The following TEX15 variants were observed in gnomAD, a reference collection of about 807,000 sequenced individuals.
TEX15 encodes the protein testis expressed 15, meiosis and synapsis associated, also known as testis-expressed protein 15.
TEX15 carries 171 observed loss-of-function variants against 237.3 expected under a neutral mutation model. The ratio of observed to expected loss-of-function variants is 0.72; its 90% CI spans 0.64 to 0.82. The LOEUF (loss-of-function observed/expected upper bound fraction) is 0.82, where lower values mean the gene tolerates loss of function less well. Among genes scored for constraint, TEX15 ranks in the 40% least tolerant of loss-of-function variants. TEX15 has a pLI of 0.00. For synonymous variants in TEX15, 1,338 were observed against 1,269.8 expected (o/e 1.05, Z -1.14); for missense variants, 3,750 against 3,646.5 (o/e 1.03, Z -0.73).
intron 2 of TEX15, chr8:30,888,638 T>C: frequency 1.6e-6 from 2 of 1,289,710 alleles, no homozygotes; most frequent in Non-Finnish European, 2.0e-6. Context: ...TTTCGTACCA[T>C]TTCGTAACAT....
Position 30,846,041 on chromosome 8 carries a change from GAC to G in TEX15, c.4124_4125del (p.Cys1375SerfsTer17). 6.8e-6 allele frequency: 11 copies of G among 1,613,294 alleles called. No individual in the cohort carries two copies. The highest frequency in any genetic ancestry group is 8.5e-6 in the Non-Finnish European group (10 of 1,179,576). On this transcript the variant is annotated frameshift_variant, in exon 8 of 11. Transcript: ENST00000643185. LOFTEE classifies it high-confidence loss of function. ...ACTGCTTTGTCTAGTTTTCTGGAAA[GAC>G]ATTTGCTTTTACATAAAGATGCTTC... ...SDEASLCKSK[C>X]LSRKLDKAVV... is the part of the protein sequence containing the mutation.
At chr8:30,909,394 A>ACCCCCCCCCCCCCCCCC (rs35046956) in intron 1 of TEX15, among the ~76,000 whole-genome samples, 10 of 118,398 alleles carry the variant, frequency 8.4e-5, no homozygotes, top group South Asian at 2.9e-4. Flanking sequence ...TTAAAGACAG[A>ACCCCCCCCCCCCCCCCC]CCCCCCCCCG....
rs544099085 is a variant in TEX15 at position 30,856,738 on chromosome 8, GAC to G, written c.850+1928_850+1929del. On this transcript the variant is annotated intron_variant, in intron 7 of 10. Coordinates refer to ENST00000643185, the MANE Select transcript of TEX15 (RefSeq NM_001350162.2). Reference sequence around the variant, plus strand: ...AAATATCAAATGTTTGAAAATAAAAGACATGTAAGATATTATAGAGAAAATTA... The same window carrying G: ...AAATATCAAATGTTTGAAAATAAAAGATGTAAGATATTATAGAGAAAATTA... 2.6e-3 allele frequency among the ~76,000 whole-genome samples: 403 copies of G among 152,110 alleles called. 8 individuals carry two copies. The highest frequency in any genetic ancestry group is 8.1e-3 in the African/African-American group (338 of 41,488).
At chr8:30,903,470 G>C (rs1585317768) in intron 1 of TEX15, among the ~76,000 whole-genome samples, 1 of 152,192 alleles carries the variant, frequency 6.6e-6, no homozygotes, top group African/African-American at 2.4e-5. Context: ...GGTCATCCTG[G>C]TTGCAGAGAA....
chr8:30,911,308 A>G (rs1409939444), intron 1 of TEX15, among the ~76,000 whole-genome samples: 2 of 151,998 alleles, frequency 1.3e-5, no homozygotes, highest in African/African-American at 2.4e-5. Context: ...TTGTATTATT[A>G]CTACTACTAT....
chr8:30,901,299 C>T (rs1174772913), intron 1 of TEX15, among the ~76,000 whole-genome samples: 1 of 152,158 alleles, frequency 6.6e-6, no homozygotes, highest in Non-Finnish European at 1.5e-5. Flanking sequence ...AAATATTTAA[C>T]TAAAGTTCCT....
rs1807182576 is a variant in TEX15 at position 30,831,659 on chromosome 8, C to T, written c.*1627G>A. The T allele has an allele frequency of 1.3e-5, 2 of 151,880 alleles. No individual in the cohort carries two copies. The highest frequency in any genetic ancestry group is 4.1e-4 in the South Asian group (2 of 4,820). 9.4% of individuals were successfully genotyped at this position (151,880 alleles called of 1,614,324 possible). ...ATTAAAACCCATGAAATAAAAATAC[C>T]ACAAAGACAATGTCAACAGAATCTG... On this transcript the variant is annotated 3_prime_UTR_variant, in exon 11 of 11. Coordinates refer to ENST00000643185, the MANE Select transcript of TEX15 (RefSeq NM_001350162.2).
chr8:30,876,402 T>G (rs1808401147), intron 3 of TEX15, among the ~76,000 whole-genome samples: 1 of 152,200 alleles, frequency 6.6e-6, no homozygotes, highest in Non-Finnish European at 1.5e-5. Context: ...CTGGGTAATG[T>G]GACCTAAGTT....
intron 2 of TEX15, among the ~76,000 whole-genome samples, chr8:30,891,276 A>G (rs908875284): frequency 7.2e-5 from 11 of 152,130 alleles, no homozygotes; most frequent in East Asian, 3.9e-4. Flanking sequence ...AGCCTCCCCA[A>G]TGGCTAAGTA....
At chr8:30,876,051 C>A (rs1246801338) in intron 3 of TEX15, among the ~76,000 whole-genome samples, 2 of 151,984 alleles carry the variant, frequency 1.3e-5, no homozygotes, top group African/African-American at 4.8e-5. Context: ...TGGGCTCAAG[C>A]GATCCTCTCC....
chr8:30,845,350 C>A lies in TEX15; in HGVS notation c.4817G>T (p.Cys1606Phe). The A allele has an allele frequency of 6.2e-7, 1 of 1,612,018 alleles. No individual in the cohort carries two copies. The highest frequency in any genetic ancestry group is 1.3e-5 in the African/African-American group (1 of 75,004). Reference sequence around the variant, plus strand: ...TTCATTTATTACTTCATTAGCGTCACAACTGTTTTCTTTAGTTGCATCTTT... The same window carrying A: ...TTCATTTATTACTTCATTAGCGTCAAAACTGTTTTCTTTAGTTGCATCTTT... ...NVKDATKENSCDANEVINESN... is the reference protein window; with the variant it reads ...NVKDATKENSFDANEVINESN... Residue 1606 changes from cysteine (C) to phenylalanine (F), a missense_variant, in exon 8 of 11, where the codon TGT becomes TTT. Cys to Phe is a radical substitution (Grantham distance 205). Coordinates refer to ENST00000643185, the MANE Select transcript of TEX15 (RefSeq NM_001350162.2).
At chr8:30,874,799 T>C (rs1366991558) in intron 4 of TEX15, 138 bp downstream of exon 4, 6 of 495,994 alleles carry the variant, frequency 1.2e-5, no homozygotes, top group East Asian at 3.5e-5. Flanking sequence ...CAAAAGACTA[T>C]GAGAATGTAA....
chr8:30,843,887 C>T lies in TEX15; in HGVS notation c.6280G>A (p.Glu2094Lys), dbSNP rs1201548749. 2 of 1,612,874 alleles carry T rather than the reference C, an allele frequency of 1.2e-6. No individual in the cohort carries two copies. The highest frequency in any genetic ancestry group is 1.7e-6 in the Non-Finnish European group (2 of 1,179,542). The change falls in exon 8 of 11, where the codon GAA becomes AAA. Residue 2094 changes from glutamate to lysine, a missense_variant. Glu to Lys is a moderately conservative substitution (Grantham distance 56). Coordinates refer to ENST00000643185, the MANE Select transcript of TEX15 (RefSeq NM_001350162.2). ...QFIENKKRHL[E>K]GEPTLRSLLW... ...AAGCTTCGCAATGTTGGTTCACCTT[C>T]TAAGTGCCTTTTTTTGTTTTCAATG...
intron 9 of TEX15, 65 bp from the exon 10 acceptor site, chr8:30,838,126 A>C: frequency 7.3e-7 from 1 of 1,374,146 alleles, no homozygotes; most frequent in Non-Finnish European, 9.7e-7. Context: ...TTTTAATGGA[A>C]ATATATATTT....
chr8:30,877,189 G>A (rs553243242), intron 3 of TEX15, among the ~76,000 whole-genome samples: 29 of 152,298 alleles, frequency 1.9e-4, no homozygotes, highest in African/African-American at 3.4e-4. Context: ...GACCTTAAAT[G>A]AGAATGCATG....
chr8:30,906,022 G>GA (rs1179749657), intron 1 of TEX15, among the ~76,000 whole-genome samples: 4 of 150,748 alleles, frequency 2.7e-5, no homozygotes, highest in South Asian at 4.2e-4. Context: ...CGTAAAATGG[G>GA]AAAAAAATAA....
chr8:30,855,005 C>T (rs1222069962), intron 7 of TEX15, among the ~76,000 whole-genome samples: 7 of 152,218 alleles, frequency 4.6e-5, no homozygotes, highest in Non-Finnish European at 8.8e-5. Flanking sequence ...ACTCCTACAA[C>T]GGACATCATA....
intron 7 of TEX15, among the ~76,000 whole-genome samples, chr8:30,851,088 AATC>A (rs1167401755): frequency 1.3e-5 from 2 of 152,192 alleles, no homozygotes; most frequent in African/African-American, 4.8e-5. Context: ...TGTTATATGT[AATC>A]ATTCAAAGCA....
intron 1 of TEX15, among the ~76,000 whole-genome samples, chr8:30,905,315 G>A (rs1028776383): frequency 3.3e-5 from 5 of 151,172 alleles, no homozygotes; most frequent in African/African-American, 1.2e-4. Context: ...TGAGTCCCCA[G>A]GAGAAATAAA....
Sources: allele counts gnomAD v4.1 joint callset (sites outside exome capture counted in the v4.1 genomes callset), GRCh38; gene constraint gnomAD v4.1.1; transcripts MANE v1.5; gene names NCBI Gene and HGNC (gene_info 2026-07-23, HGNC 2026-07-21).